Variants in FAM222B observed in about 807,000 individuals in gnomAD.
The protein encoded by FAM222B is protein FAM222B.
FAM222B carries 12 observed loss-of-function variants against 38.0 expected under a neutral mutation model. The observed-to-expected ratio is 0.32, with a 90% CI of 0.20 to 0.51. FAM222B has a LOEUF of 0.51. Among genes scored for constraint, FAM222B ranks in the 20% least tolerant of loss-of-function variants. FAM222B has a pLI of 0.97. For synonymous variants in FAM222B, 329 were observed against 317.2 expected (o/e 1.04, Z -0.40); for missense variants, 716 against 754.2 (o/e 0.95, Z 0.59).
At chr17:28,830,137 C>G (rs1165505430) in intron 1 of FAM222B, among the ~76,000 whole-genome samples, 4 of 148,436 alleles carry the variant, frequency 2.7e-5, no homozygotes, top group Non-Finnish European at 5.9e-5. Flanking sequence ...GAGTAAGCCA[C>G]TTCGCCCAGC....
intron 1 of FAM222B, among the ~76,000 whole-genome samples, chr17:28,842,155 G>A (rs1427850975): frequency 2.0e-5 from 3 of 152,092 alleles, no homozygotes; most frequent in Non-Finnish European, 4.4e-5. Context: ...CCTGCCCAAG[G>A]TTACCTAACA....
intron 1 of FAM222B, among the ~76,000 whole-genome samples, chr17:28,801,030 C>A (rs2037193156): frequency 6.6e-6 from 1 of 151,524 alleles, no homozygotes; most frequent in Non-Finnish European, 1.5e-5. Context: ...TGGTGGCAGG[C>A]GCCTGTAACC....
chr17:28,854,397 T>G (rs1381243085), intron 1 of FAM222B, among the ~76,000 whole-genome samples: 1 of 152,226 alleles, frequency 6.6e-6, no homozygotes, highest in Non-Finnish European at 1.5e-5. Context: ...ACCCTCTGGT[T>G]GTTCTCCATA....
intron 1 of FAM222B, among the ~76,000 whole-genome samples, chr17:28,773,813 A>G (rs1020187576): frequency 1.3e-5 from 2 of 152,096 alleles, no homozygotes; most frequent in African/African-American, 4.8e-5. Context: ...AAAAAAAAGA[A>G]TTCTGGGATC....
At chr17:28,837,513 G>C (rs1388856410) in intron 1 of FAM222B, among the ~76,000 whole-genome samples, 1 of 151,836 alleles carries the variant, frequency 6.6e-6, no homozygotes, top group African/African-American at 2.4e-5. Flanking sequence ...AAATGCATCT[G>C]TAATAAAGAA....
intron 2 of FAM222B, among the ~76,000 whole-genome samples, chr17:28,760,411 C>T (rs1456914545): frequency 6.6e-6 from 1 of 151,990 alleles, no homozygotes; most frequent in African/African-American, 2.4e-5. Context: ...CCCGTCTCTA[C>T]TAAAAATACA....
At chr17:28,853,572 T>C (rs542516688) in intron 1 of FAM222B, among the ~76,000 whole-genome samples, 1 of 152,302 alleles carries the variant, frequency 6.6e-6, no homozygotes, top group South Asian at 2.1e-4. Flanking sequence ...ACAATGTAAG[T>C]GCTATATAAA....
chr17:28,779,803 C>A (rs995337413), intron 1 of FAM222B, among the ~76,000 whole-genome samples: 10 of 150,320 alleles, frequency 6.7e-5, no homozygotes, highest in Admixed American at 4.0e-4. Context: ...AAGCATCTGA[C>A]AAAATTCAGC....
intron 1 of FAM222B, among the ~76,000 whole-genome samples, chr17:28,833,009 TAAAAAAAA>T (rs779596504): frequency 1.1e-5 from 1 of 90,800 alleles, no homozygotes; most frequent in Admixed American, 1.3e-4. Context: ...CTGTCTCTAT[TAAAAAAAA>T]AAAAAAAAAA....
chr17:28,760,383 T>G (rs2035013839), intron 2 of FAM222B, among the ~76,000 whole-genome samples: 1 of 152,072 alleles, frequency 6.6e-6, no homozygotes, highest in African/African-American at 2.4e-5. Flanking sequence ...AAGACCAGCC[T>G]GGGCAACATG....
At chr17:28,824,567 A>G (rs559969490) in intron 1 of FAM222B, among the ~76,000 whole-genome samples, 3 of 152,264 alleles carry the variant, frequency 2.0e-5, no homozygotes, top group East Asian at 1.9e-4. Context: ...GCTCCAGTCA[A>G]TAATATAGAA....
chr17:28,805,869 C>T (rs1487740390), intron 1 of FAM222B, among the ~76,000 whole-genome samples: 1 of 151,970 alleles, frequency 6.6e-6, no homozygotes, highest in African/African-American at 2.4e-5. Context: ...AGGCAGGGCA[C>T]GGTGGGTCAC....
intron 1 of FAM222B, among the ~76,000 whole-genome samples, chr17:28,822,062 G>A (rs992969349): frequency 2.0e-5 from 3 of 150,270 alleles, no homozygotes; most frequent in Non-Finnish European, 4.4e-5. Context: ...AGTGGCTCAC[G>A]CCTATAATCC....
intron 1 of FAM222B, among the ~76,000 whole-genome samples, chr17:28,791,036 T>G (rs551860349): frequency 6.6e-6 from 1 of 151,510 alleles, no homozygotes; most frequent in Non-Finnish European, 1.5e-5. Flanking sequence ...GTAGCCGGCG[T>G]AGCTGGGACT....
chr17:28,778,419 C>T (rs1170489616), intron 1 of FAM222B, among the ~76,000 whole-genome samples: 2 of 151,680 alleles, frequency 1.3e-5, no homozygotes, highest in East Asian at 1.9e-4. Flanking sequence ...CTGCAAAGGA[C>T]ATGAACTCAT....
chr17:28,795,364 C>T (rs1175328451), intron 1 of FAM222B, among the ~76,000 whole-genome samples: 1 of 152,172 alleles, frequency 6.6e-6, no homozygotes, highest in Non-Finnish European at 1.5e-5. Context: ...AGACTGGTCT[C>T]GAACTCCTGA....
At chr17:28,788,998 G>A (rs770505578) in intron 1 of FAM222B, among the ~76,000 whole-genome samples, 3 of 144,186 alleles carry the variant, frequency 2.1e-5, no homozygotes, top group Non-Finnish European at 4.5e-5. Flanking sequence ...CTGCCTGCCT[G>A]CCTCGGCCTC....
chr17:28,788,587 T>G (rs1297223416), intron 1 of FAM222B, among the ~76,000 whole-genome samples: 1 of 152,144 alleles, frequency 6.6e-6, no homozygotes, highest in African/African-American at 2.4e-5. Context: ...ACCTGTCAAA[T>G]ATGCATCTTA....
chr17:28,822,137 TCA>T lies in FAM222B; in HGVS notation c.-41+20543_-41+20544del, dbSNP rs1242957595. On this transcript the variant is annotated intron_variant, in intron 1 of 2. Coordinates refer to ENST00000581407, the MANE Select transcript of FAM222B (RefSeq NM_001077498.3). The stretch of plus-strand genomic sequence containing the variant: ...CCTGGGTTCAAGCGATTCTCCTGCC[TCA>T]GTCTCCCAAGTAGCTGGGACTACGG... Among the ~76,000 whole-genome samples the T allele has an allele frequency of 2.7e-5, 4 of 149,586 alleles. No individual in the cohort carries two copies. In the East Asian group the frequency reaches 8.7e-4, roughly 32 times the overall value.
Sources: allele counts gnomAD v4.1 joint callset (sites outside exome capture counted in the v4.1 genomes callset), GRCh38; gene constraint gnomAD v4.1.1; transcripts MANE v1.5; gene names NCBI Gene and HGNC (gene_info 2026-07-23, HGNC 2026-07-21).